Variants in PRKCA observed in about 807,000 individuals in gnomAD.
The protein encoded by PRKCA is protein kinase C alpha type.
PRKCA carries 27 observed loss-of-function variants against 87.0 expected under a neutral mutation model. The observed-to-expected ratio is 0.31, with a 90% CI of 0.23 to 0.43. The LOEUF is 0.43. Among genes scored for constraint, PRKCA ranks in the 20% least tolerant of loss-of-function variants. The pLI is 1.00. For missense variants in PRKCA, 518 were observed against 852.3 expected (o/e 0.61, Z 4.88); for synonymous variants, 329 against 311.1 (o/e 1.06, Z -0.61).
chr17:66,730,799 CA>C (rs1015768391), intron 8 of PRKCA, among the ~76,000 whole-genome samples: 3 of 152,318 alleles, frequency 2.0e-5, no homozygotes, highest in Admixed American at 2.0e-4. Flanking sequence ...GCTCCTCCTG[CA>C]AATGCAGAGG....
chr17:66,715,554 G>A (rs1229943560), intron 8 of PRKCA, among the ~76,000 whole-genome samples: 1 of 152,098 alleles, frequency 6.6e-6, no homozygotes, highest in Non-Finnish European at 1.5e-5. Flanking sequence ...GGAAAGATTC[G>A]GGAGACACAG....
intron 2 of PRKCA, among the ~76,000 whole-genome samples, chr17:66,396,363 T>G (rs984681122): frequency 1.3e-5 from 2 of 152,208 alleles, no homozygotes; most frequent in East Asian, 1.9e-4. Context: ...CTAAAAATCA[T>G]TTGCCTTTTC....
rs117703849 is a variant in PRKCA, at chr17:66,695,423, G to A, written c.918+6376G>A. Among the ~76,000 whole-genome samples, 850 of 152,256 alleles carry A rather than the reference G, an allele frequency of 5.6e-3. 11 individuals carry two copies. Among genetic ancestry groups the A allele is most frequent in the African/African-American group, 0.018 (745 of 41,524 alleles). On this transcript the variant is annotated intron_variant, in intron 8 of 16. Coordinates refer to ENST00000413366, the MANE Select transcript of PRKCA (RefSeq NM_002737.3). ...TTTTAGCTGGGAATGGACTTTCAAC[G>A]AACTCATTTCTACCTGTAGGGTTGC...
At chr17:66,791,378 G>A (rs192469759) in intron 16 of PRKCA, among the ~76,000 whole-genome samples, 126 of 152,258 alleles carry the variant, frequency 8.3e-4, no homozygotes, top group African/African-American at 2.8e-3. Flanking sequence ...GAAAACCTGT[G>A]CACAAAAGAG....
intron 16 of PRKCA, among the ~76,000 whole-genome samples, chr17:66,789,209 C>T (rs1490757575): frequency 6.6e-6 from 1 of 152,218 alleles, no homozygotes; most frequent in Non-Finnish European, 1.5e-5. Context: ...CCTGTGCACA[C>T]TTCATCCTCC....
intron 2 of PRKCA, among the ~76,000 whole-genome samples, chr17:66,323,940 CA>C (rs1244630893): frequency 3.3e-5 from 5 of 150,548 alleles, no homozygotes; most frequent in Non-Finnish European, 5.9e-5. Context: ...GATTCTGACT[CA>C]AAAAAAAATT....
chr17:66,720,106 C>T (rs1461386495), intron 8 of PRKCA, among the ~76,000 whole-genome samples: 1 of 152,190 alleles, frequency 6.6e-6, no homozygotes, highest in Non-Finnish European at 1.5e-5. Context: ...TAGAGAAATA[C>T]AGGATTGGTA....
chr17:66,374,719 C>CTTTTT (rs35431248), intron 2 of PRKCA, among the ~76,000 whole-genome samples: 1,401 of 114,612 alleles, frequency 0.012, 3 homozygotes, highest in Non-Finnish European at 0.015. Flanking sequence ...GAGTTGCATT[C>CTTTTT]TTTTTTTTTT....
chr17:66,364,487 G>A (rs1284862355), intron 2 of PRKCA, among the ~76,000 whole-genome samples: 1 of 152,154 alleles, frequency 6.6e-6, no homozygotes, highest in African/African-American at 2.4e-5. Context: ...TTAGGGAATG[G>A]ATGTACCTTA....
At chr17:66,593,849 C>T (rs376453183) in intron 3 of PRKCA, among the ~76,000 whole-genome samples, 2 of 152,000 alleles carry the variant, frequency 1.3e-5, no homozygotes, top group South Asian at 4.2e-4. Flanking sequence ...TTTGGGAGGC[C>T]GAGGCAGATG....
chr17:66,678,028 C>G (rs1369480576), intron 5 of PRKCA, among the ~76,000 whole-genome samples: 5 of 152,176 alleles, frequency 3.3e-5, no homozygotes, highest in Non-Finnish European at 2.9e-5. Context: ...ATCTTAATCC[C>G]TGGAATCTGT....
chr17:66,369,094 T>C (rs569409792), intron 2 of PRKCA, among the ~76,000 whole-genome samples: 1 of 152,352 alleles, frequency 6.6e-6, no homozygotes, highest in East Asian at 1.9e-4. Context: ...AGGCCAGAGC[T>C]GTGTGTTAGC....
chr17:66,454,755 T>C (rs228880), intron 2 of PRKCA, among the ~76,000 whole-genome samples: 38 of 152,256 alleles, frequency 2.5e-4, no homozygotes, highest in South Asian at 2.5e-3. Flanking sequence ...CCTCCCCCAA[T>C]GTGTAGGAAT....
chr17:66,680,001 TC>T (rs1302131650), intron 5 of PRKCA, among the ~76,000 whole-genome samples: 1 of 152,192 alleles, frequency 6.6e-6, no homozygotes, highest in Non-Finnish European at 1.5e-5. Context: ...CTAATAATTA[TC>T]AAAATAATGA....
intron 2 of PRKCA, among the ~76,000 whole-genome samples, chr17:66,466,542 T>C (rs8074669): frequency 0.064 from 9,687 of 152,232 alleles, 1,028 homozygotes; most frequent in African/African-American, 0.22. Context: ...TACCTCAAAA[T>C]GGAAGAAACT....
At chr17:66,796,610 A>G (rs1975676350) in intron 16 of PRKCA, 1 of 985,320 alleles carries the variant, frequency 1.0e-6, no homozygotes, top group Non-Finnish European at 1.2e-6. Flanking sequence ...TTCCCTGAGC[A>G]TGCTAATCTT....
intron 2 of PRKCA, among the ~76,000 whole-genome samples, chr17:66,457,011 T>C (rs1021806567): frequency 5.3e-5 from 8 of 152,242 alleles, no homozygotes; most frequent in Non-Finnish European, 1.2e-4. Flanking sequence ...GAGGTTCATG[T>C]AAACCTTTTA....
intron 2 of PRKCA, chr17:66,416,057 T>G (rs1912126827): frequency 6.6e-6 from 1 of 152,130 alleles, no homozygotes; most frequent in African/African-American, 2.4e-5. Context: ...AAATGGTGGT[T>G]AAATGGATGA....
chr17:66,675,462 A>G (rs1972303656), intron 5 of PRKCA, among the ~76,000 whole-genome samples: 1 of 152,206 alleles, frequency 6.6e-6, no homozygotes, highest in Non-Finnish European at 1.5e-5. Context: ...ACCCAGAGGA[A>G]GGCTGCTGTC....
Sources: gnomAD v4.1 joint callset for allele counts (sites outside exome capture counted in the v4.1 genomes callset) on GRCh38, gnomAD v4.1.1 for gene constraint, MANE v1.5 for transcripts, NCBI Gene and HGNC (gene_info 2026-07-23, HGNC 2026-07-21) for gene names.